Variants in TECRL observed in about 807,000 individuals in gnomAD.
TECRL encodes the protein trans-2,3-enoyl-CoA reductase-like.
Under a neutral mutation model 52.8 loss-of-function variants are expected in TECRL, and 63 were observed. The observed-to-expected ratio is 1.19, with a 90% CI of 0.97 to 1.47. TECRL has a LOEUF of 1.47. Among genes scored for constraint, TECRL ranks in the 40% most tolerant of loss-of-function variants. The probability of loss-of-function intolerance (pLI) is 0.00; values close to 1 mark genes in which losing one functional copy is unlikely to be tolerated. For missense variants in TECRL, 482 were observed against 429.6 expected (o/e 1.12, Z -1.08); for synonymous variants, 164 against 141.9 (o/e 1.16, Z -1.10).
At chr4:64,406,456 G>A (rs1271660153) in intron 1 of TECRL, among the ~76,000 whole-genome samples, 5 of 151,604 alleles carry the variant, frequency 3.3e-5, no homozygotes, top group Non-Finnish European at 7.4e-5. Flanking sequence ...TTCTTAGCAA[G>A]TTATCAAAAG....
intron 6 of TECRL, 102 bp from the exon 7 acceptor site, chr4:64,305,340 AC>A: frequency 1.1e-6 from 1 of 946,844 alleles, no homozygotes; most frequent in Non-Finnish European, 1.6e-6. Context: ...ATTTGAAACC[AC>A]CACATACATT....
chr4:64,336,813 C>T (rs990354331), intron 2 of TECRL, among the ~76,000 whole-genome samples: 1 of 152,102 alleles, frequency 6.6e-6, no homozygotes, highest in Non-Finnish European at 1.5e-5. Flanking sequence ...TATAGTTGAG[C>T]AGTTTTGAGT....
chr4:64,281,561 T>C lies in TECRL; in HGVS notation c.833-2A>G. The C allele has an allele frequency of 1.3e-6, 2 of 1,561,150 alleles. No homozygotes were observed. The highest frequency in any genetic ancestry group is 2.3e-5 in the East Asian group (1 of 44,096). On this transcript the variant is annotated splice_acceptor_variant, in intron 9 of 11. Coordinates refer to ENST00000381210, the MANE Select transcript of TECRL (RefSeq NM_001010874.5). LOFTEE classifies it high-confidence loss of function. The stretch of plus-strand genomic sequence containing the variant: ...GACTTGGGAAACAGGCATTGTTTCC[T>C]TTTTCAAAGGAAAGTAAAATGTCAA...
chr4:64,378,472 G>A (rs72614759), intron 1 of TECRL, among the ~76,000 whole-genome samples: 19,945 of 151,966 alleles, frequency 0.13, 1,429 homozygotes, highest in East Asian at 0.27. Flanking sequence ...GAACCTGGGT[G>A]ACAGAGGGAG....
intron 2 of TECRL, among the ~76,000 whole-genome samples, chr4:64,333,678 G>A (rs1315002818): frequency 1.1e-4 from 17 of 152,104 alleles, no homozygotes; most frequent in Admixed American, 1.0e-3. Context: ...TAAGGAATAG[G>A]AAGTATTAGT....
intron 6 of TECRL, among the ~76,000 whole-genome samples, chr4:64,306,466 C>A (rs1169675116): frequency 2.6e-5 from 4 of 152,090 alleles, no homozygotes; most frequent in African/African-American, 7.2e-5. Flanking sequence ...TATTTTATAT[C>A]ACATTTTCTT....
intron 2 of TECRL, among the ~76,000 whole-genome samples, chr4:64,349,907 C>T (rs1720262431): frequency 6.6e-6 from 1 of 152,112 alleles, no homozygotes; most frequent in Non-Finnish European, 1.5e-5. Flanking sequence ...CCAACTTAAG[C>T]AGACACTAAT....
At chr4:64,353,303 G>A (rs1265883287) in intron 2 of TECRL, among the ~76,000 whole-genome samples, 3 of 152,076 alleles carry the variant, frequency 2.0e-5, no homozygotes, top group Non-Finnish European at 4.4e-5. Context: ...TATATCATAA[G>A]GAGCTTCAAC....
In TECRL at chr4:64,359,088, AT is replaced by A. The variant is rs368461337; in HGVS notation, c.286+16083del. On this transcript the variant is annotated intron_variant, in intron 2 of 11. Transcript: ENST00000381210. Reference sequence around the variant, plus strand: ...TGATGCTTTTTATGGTTTTCTGAAAATTTTTTTAAAGAGAAAAAAAGATTCT... The same window carrying A: ...TGATGCTTTTTATGGTTTTCTGAAAATTTTTTAAAGAGAAAAAAAGATTCT... 7.8e-4 allele frequency among the ~76,000 whole-genome samples: 119 copies of A among 151,698 alleles called. 1 individual carries two copies. In the East Asian group the frequency reaches 0.02, roughly 26 times the overall value.
At chr4:64,311,859 C>T (rs769469769) in intron 5 of TECRL, among the ~76,000 whole-genome samples, 1 of 152,082 alleles carries the variant, frequency 6.6e-6, no homozygotes, top group Non-Finnish European at 1.5e-5. Flanking sequence ...TTGATAAAAT[C>T]TTATTTATTT....
At chr4:64,374,923 T>A (rs537780965) in intron 2 of TECRL, among the ~76,000 whole-genome samples, 84 of 152,030 alleles carry the variant, frequency 5.5e-4, no homozygotes, top group Non-Finnish European at 1.1e-3. Context: ...TATAATAAAA[T>A]TAAGTTTAAA....
rs1284088063 is a variant in TECRL, at chr4:64,312,386, A to G, written c.551+2262T>C. Reference sequence around the variant, plus strand: ...TCTGCTGTGGAATTACTTTATATAAACTTTACATATTTGTTATTTGGGAAT... The same window carrying G: ...TCTGCTGTGGAATTACTTTATATAAGCTTTACATATTTGTTATTTGGGAAT... On this transcript the variant is annotated intron_variant, in intron 5 of 11. Transcript: ENST00000381210. Among the ~76,000 whole-genome samples, 4 of 152,170 alleles carry G rather than the reference A, an allele frequency of 2.6e-5. No homozygotes were observed. In the East Asian group the frequency reaches 7.7e-4, roughly 29 times the overall value.
chr4:64,335,004 G>C (rs954602038), intron 2 of TECRL, among the ~76,000 whole-genome samples: 4 of 152,146 alleles, frequency 2.6e-5, no homozygotes, highest in Non-Finnish European at 5.9e-5. Context: ...CTCAGTGACA[G>C]TCCTCCCAAT....
rs550327358 is a variant in TECRL, at chr4:64,305,374, A to T, written c.658-136T>A. The T allele has an allele frequency of 6.3e-5, 42 of 667,384 alleles. 1 individual carries two copies. In the Admixed American group the frequency reaches 7.2e-4, roughly 11 times the overall value. 41.3% of individuals were successfully genotyped at this position (667,384 alleles called of 1,614,324 possible). On this transcript the variant is annotated intron_variant, in intron 6 of 11. Transcript: ENST00000381210. ...ATTTATATTAGACACTGCAGCATTT[A>T]TATGTAAAATGGTACAAATTGTCTA... is the stretch of plus-strand genomic sequence containing the variant.
chr4:64,358,815 T>C (rs1720968838), intron 2 of TECRL, among the ~76,000 whole-genome samples: 1 of 151,774 alleles, frequency 6.6e-6, no homozygotes, highest in East Asian at 1.9e-4. Flanking sequence ...ATATAGCACG[T>C]CTGAAATTAG....
At chr4:64,321,381 T>C (rs1013379934) in intron 4 of TECRL, among the ~76,000 whole-genome samples, 1 of 152,088 alleles carries the variant, frequency 6.6e-6, no homozygotes, top group Non-Finnish European at 1.5e-5. Flanking sequence ...GTAATGTTGA[T>C]TGATTGTTAA....
chr4:64,331,001 A>G (rs752560245), intron 2 of TECRL, among the ~76,000 whole-genome samples: 8 of 152,122 alleles, frequency 5.3e-5, no homozygotes, highest in Non-Finnish European at 1.2e-4. Context: ...GGAAATAATC[A>G]AGAACCTGAG....
chr4:64,316,291 C>G (rs953715724), intron 4 of TECRL, among the ~76,000 whole-genome samples: 2 of 152,012 alleles, frequency 1.3e-5, no homozygotes, highest in East Asian at 3.9e-4. Context: ...AAACTATAAT[C>G]TTATCTCAAT....
intron 2 of TECRL, among the ~76,000 whole-genome samples, chr4:64,356,973 G>A (rs1442741866): frequency 6.6e-6 from 1 of 152,058 alleles, no homozygotes; most frequent in Non-Finnish European, 1.5e-5. Context: ...CAACTCTATA[G>A]TAGAAAAGGT....
Sources: gnomAD v4.1 joint callset for allele counts (sites outside exome capture counted in the v4.1 genomes callset) on GRCh38, gnomAD v4.1.1 for gene constraint, MANE v1.5 for transcripts, NCBI Gene and HGNC (gene_info 2026-07-23, HGNC 2026-07-21) for gene names.